The following CUL5 variants were observed in gnomAD, a reference collection of about 807,000 sequenced individuals.
CUL5 encodes the protein cullin-5.
A neutral mutation model predicts 108.8 loss-of-function variants in CUL5; 26 were observed. The ratio of observed to expected loss-of-function variants is 0.24; its 90% confidence interval spans 0.18 to 0.33. The LOEUF (loss-of-function observed/expected upper bound fraction) is 0.33, where lower values mean the gene tolerates loss of function less well. Among genes scored for constraint, CUL5 ranks in the 10% least tolerant of loss-of-function variants. The pLI is 1.00. For missense variants in CUL5, 524 were observed against 909.2 expected (o/e 0.58, Z 5.45); for synonymous variants, 334 against 298.0 (o/e 1.12, Z -1.25).
chr11:108,039,856 T>C (rs1307507178), intron 2 of CUL5, among the ~76,000 whole-genome samples: 2 of 152,228 alleles, frequency 1.3e-5, no homozygotes, highest in Non-Finnish European at 2.9e-5. Context: ...TCATTTTCCC[T>C]TTGTTTTTAT....
At chr11:108,097,082 A>G (rs1040172344) in intron 16 of CUL5, among the ~76,000 whole-genome samples, 3 of 152,030 alleles carry the variant, frequency 2.0e-5, no homozygotes, top group Non-Finnish European at 2.9e-5. Context: ...CAGTGGCACA[A>G]TCTCAGCTCA....
At chr11:108,076,500 A>T (rs1565260415) in intron 10 of CUL5, among the ~76,000 whole-genome samples, 2 of 151,600 alleles carry the variant, frequency 1.3e-5, no homozygotes, top group Non-Finnish European at 2.9e-5. Context: ...GTATATTTGA[A>T]TTTTTTTTAG....
At chr11:108,083,928 G>A (rs769455048) in intron 11 of CUL5, among the ~76,000 whole-genome samples, 1 of 152,346 alleles carries the variant, frequency 6.6e-6, no homozygotes, top group Non-Finnish European at 1.5e-5. Flanking sequence ...GGACGGCTTT[G>A]AACGTGGCCC....
chr11:108,027,035 T>C (rs1011988617), intron 1 of CUL5, among the ~76,000 whole-genome samples: 2 of 151,750 alleles, frequency 1.3e-5, no homozygotes, highest in African/African-American at 2.4e-5. Context: ...CCTCTCACCC[T>C]ATCAATTACC....
chr11:108,063,270 T>C lies in CUL5; in HGVS notation c.781-6826T>C, dbSNP rs537288858. On this transcript the variant is annotated intron_variant, in intron 7 of 18. Coordinates refer to ENST00000393094, the MANE Select transcript of CUL5 (RefSeq NM_003478.6). ...CCATGAGTTCAATTGTTTTAATTTT[T>C]AGCTTCCACAAATGAGTGAGATCGT... 1.1e-4 allele frequency among the ~76,000 whole-genome samples: 16 copies of C among 152,336 alleles called. No homozygotes were observed. In the South Asian group the frequency reaches 3.3e-3, roughly 32 times the overall value.
At chr11:108,051,022 G>A (rs1039926219) in intron 4 of CUL5, among the ~76,000 whole-genome samples, 1 of 152,142 alleles carries the variant, frequency 6.6e-6, no homozygotes, top group Non-Finnish European at 1.5e-5. Context: ...TTGAACTTTA[G>A]TCAATTTACT....
intron 11 of CUL5, among the ~76,000 whole-genome samples, chr11:108,081,922 C>G (rs545091346): frequency 6.6e-6 from 1 of 152,186 alleles, no homozygotes; most frequent in Non-Finnish European, 1.5e-5. Flanking sequence ...GGTTCTTTTT[C>G]AAGATCATTC....
At chr11:108,093,755 T>G in intron 13 of CUL5, among the ~76,000 whole-genome samples, 1 of 152,218 alleles carries the variant, frequency 6.6e-6, no homozygotes, top group Non-Finnish European at 1.5e-5. Context: ...TTGCCCAGGC[T>G]GGAGCGCAGT....
At chr11:108,049,676 A>G (rs1375284706) in intron 3 of CUL5, among the ~76,000 whole-genome samples, 1 of 152,068 alleles carries the variant, frequency 6.6e-6, no homozygotes, top group Non-Finnish European at 1.5e-5. Context: ...GCTAATGGAT[A>G]TTTGGGTTGT....
chr11:108,033,351 CCT>C (rs1444988706), intron 1 of CUL5, among the ~76,000 whole-genome samples: 4 of 152,132 alleles, frequency 2.6e-5, no homozygotes, highest in African/African-American at 7.2e-5. Flanking sequence ...TGAGTGACCC[CCT>C]GTGACCCCAA....
chr11:108,095,037 A>G, intron 15 of CUL5, 50 bp downstream of exon 15: 2 of 1,472,474 alleles, frequency 1.4e-6, no homozygotes, highest in Non-Finnish European at 1.9e-6. Context: ...GGATGAAAGT[A>G]GCAGGACTCC....
rs758225881 is a variant in CUL5 at position 108,034,764 on chromosome 11, C to T, written c.134+853C>T. On this transcript the variant is annotated intron_variant, in intron 2 of 18. Transcript: ENST00000393094. The stretch of plus-strand genomic sequence containing the variant: ...CCTAATAAAATCAGTGTATCCCTTT[C>T]AGTAATGAAAATTTCATGTCTTCTC... Among the ~76,000 whole-genome samples, 110 of 152,166 alleles carry T rather than the reference C, an allele frequency of 7.2e-4. 3 individuals carry two copies. Among genetic ancestry groups the T allele is most frequent in the Non-Finnish European group, 2.4e-4 (16 of 68,024 alleles).
Position 108,054,812 on chromosome 11 carries a change from A to C in CUL5, c.699+20A>C, listed in dbSNP as rs1863332056. ...AAATATGTAAGTTAGAACTTAGTAT[A>C]TGTGATAATTTGAGCAATTCCCTTG... is the stretch of plus-strand genomic sequence containing the variant. On this transcript the variant is annotated intron_variant, in intron 6 of 18. Coordinates refer to ENST00000393094, the MANE Select transcript of CUL5 (RefSeq NM_003478.6). The C allele has an allele frequency of 6.2e-7, 1 of 1,604,622 alleles. No individual in the cohort carries two copies. Among genetic ancestry groups the C allele is most frequent in the Non-Finnish European group, 8.5e-7 (1 of 1,175,746 alleles).
Position 108,106,076 on chromosome 11 carries a change from G to A in CUL5, c.*1692G>A, listed in dbSNP as rs1266157528. The A allele has an allele frequency of 1.3e-5, 2 of 152,112 alleles. No individual in the cohort carries two copies. The highest frequency in any genetic ancestry group is 2.9e-5 in the Non-Finnish European group (2 of 67,980). The allele number at this position is 152,112 out of a possible 1,614,324, so 9.4% of individuals were successfully genotyped here. ...GGTAGCAAATGTCAATTATTAGACC[G>A]AGCATATTGTGAAGAATTAAACTAA... On this transcript the variant is annotated 3_prime_UTR_variant, in exon 19 of 19. Coordinates refer to ENST00000393094, the MANE Select transcript of CUL5 (RefSeq NM_003478.6).
chr11:108,061,847 C>A (rs1226331091), intron 7 of CUL5, among the ~76,000 whole-genome samples: 23 of 152,022 alleles, frequency 1.5e-4, no homozygotes. Flanking sequence ...AACTTAAAAT[C>A]ATGGCAGAAG....
At chr11:108,086,139 AT>A (rs1454791695) in intron 11 of CUL5, among the ~76,000 whole-genome samples, 1 of 152,234 alleles carries the variant, frequency 6.6e-6, no homozygotes, top group Non-Finnish European at 1.5e-5. Flanking sequence ...ATTGACTAAA[AT>A]TTTCCAAAAT....
chr11:108,107,330 C>T lies in CUL5; in HGVS notation c.*2946C>T, dbSNP rs1486254776. The T allele has an allele frequency of 6.6e-6, 1 of 152,514 alleles. No individual in the cohort carries two copies. Among genetic ancestry groups the T allele is most frequent in the Admixed American group, 6.6e-5 (1 of 15,266 alleles). The allele number at this position is 152,514 out of a possible 1,614,324, so 9.4% of individuals were successfully genotyped here. ...TTGCAGTAAGATGTCTCTAGCACTGCTCAAAGGGCAAATTTTAAAACTTCA... is the reference window on the plus strand; with the variant it reads ...TTGCAGTAAGATGTCTCTAGCACTGTTCAAAGGGCAAATTTTAAAACTTCA... On this transcript the variant is annotated 3_prime_UTR_variant, in exon 19 of 19. Transcript: ENST00000393094.
chr11:108,031,421 A>G (rs575597848), intron 1 of CUL5, among the ~76,000 whole-genome samples: 1 of 152,054 alleles, frequency 6.6e-6, no homozygotes, highest in South Asian at 2.1e-4. Context: ...TGTACTAGAA[A>G]GTTAGGTTTT....
intron 18 of CUL5, among the ~76,000 whole-genome samples, chr11:108,100,305 G>A (rs1864623365): frequency 6.6e-6 from 1 of 152,142 alleles, no homozygotes; most frequent in South Asian, 2.1e-4. Flanking sequence ...CACTTTGGGA[G>A]GCCGAGGTGG....
Sources: allele counts gnomAD v4.1 joint callset (sites outside exome capture counted in the v4.1 genomes callset), GRCh38; gene constraint gnomAD v4.1.1; transcripts MANE v1.5; gene names NCBI Gene and HGNC (gene_info 2026-07-23, HGNC 2026-07-21).